Variants in TNIP3 observed in about 807,000 individuals in gnomAD.
TNIP3 encodes the protein TNFAIP3 interacting protein 3.
A neutral mutation model predicts 54.1 loss-of-function variants in TNIP3; 34 were observed. The observed-to-expected ratio is 0.63, with a 90% confidence interval of 0.48 to 0.84. The LOEUF (loss-of-function observed/expected upper bound fraction) is 0.84, where lower values mean the gene tolerates loss of function less well. Ranked by LOEUF, TNIP3 falls within the 40% of genes least tolerant of loss-of-function variation. The pLI, the probability that TNIP3 is intolerant of heterozygous loss-of-function variation, is 0.00. For synonymous variants in TNIP3, 134 were observed against 136.8 expected, an observed-to-expected ratio of 0.98 and a Z score of 0.14; for missense variants, 366 against 387.6, an observed-to-expected ratio of 0.94 and a Z score of 0.47.
chr4:121,182,725 C>G, exon 3 of TNIP3: 1 of 1,534,098 alleles, frequency 6.5e-7, no homozygotes. Flanking sequence ...TGGGGTGAAC[C>G]GTTTTGGATG....
intron 2 of TNIP3, among the ~76,000 whole-genome samples, chr4:121,203,250 T>TAGATAGAC (rs879841568): frequency 4.7e-4 from 71 of 151,868 alleles, no homozygotes; most frequent in Non-Finnish European, 8.2e-4. Context: ...GATAGATAGA[T>TAGATAGAC]AGATAGATAG....
intron 9 of TNIP3, among the ~76,000 whole-genome samples, chr4:121,139,416 G>A (rs755849276): frequency 2.6e-5 from 4 of 152,162 alleles, no homozygotes; most frequent in Non-Finnish European, 4.4e-5. Flanking sequence ...TGTATTTAAC[G>A]CTTAGGAATG....
chr4:121,223,244 C>G (rs998653082), intron 1 of TNIP3, among the ~76,000 whole-genome samples: 2 of 152,192 alleles, frequency 1.3e-5, no homozygotes, highest in African/African-American at 4.8e-5. Flanking sequence ...GATGCTCACC[C>G]GCTTGAAAGG....
intron 2 of TNIP3, among the ~76,000 whole-genome samples, chr4:121,192,205 G>A (rs887996151): frequency 6.6e-6 from 1 of 152,176 alleles, no homozygotes; most frequent in Non-Finnish European, 1.5e-5. Context: ...GACCGCTGAA[G>A]CAGTTTGCCA....
intron 1 of TNIP3, among the ~76,000 whole-genome samples, chr4:121,161,760 C>A (rs1186538089): frequency 6.6e-6 from 1 of 152,128 alleles, no homozygotes; most frequent in Non-Finnish European, 1.5e-5. Flanking sequence ...TTTTAGCCAG[C>A]TCTTTGAATA....
chr4:121,132,687 T>C, intron 10 of TNIP3, 25 bp from the exon 11 acceptor site: 1 of 1,601,214 alleles, frequency 6.2e-7, no homozygotes, highest in South Asian at 1.1e-5. Flanking sequence ...AGGAAAATGT[T>C]TTAGATTAAA....
chr4:121,203,634 T>G (rs1444717179), intron 2 of TNIP3, among the ~76,000 whole-genome samples: 1 of 152,120 alleles, frequency 6.6e-6, no homozygotes. Flanking sequence ...TCAAAACAAC[T>G]TAGGTCATCT....
chr4:121,181,143 T>A (rs138861896), intron 3 of TNIP3, among the ~76,000 whole-genome samples: 58 of 152,224 alleles, frequency 3.8e-4, no homozygotes, highest in Admixed American at 6.5e-4. Context: ...GTTTTTACCA[T>A]GTAAAGGAGG....
chr4:121,188,933 T>C (rs1270437054), intron 2 of TNIP3, among the ~76,000 whole-genome samples: 1 of 152,216 alleles, frequency 6.6e-6, no homozygotes, highest in African/African-American at 2.4e-5. Context: ...TTGACACTAA[T>C]GATGCCTGGT....
intron 3 of TNIP3, among the ~76,000 whole-genome samples, chr4:121,176,809 A>G (rs1236719063): frequency 6.6e-6 from 1 of 152,184 alleles, no homozygotes; most frequent in African/African-American, 2.4e-5. Context: ...TCATAAGTAT[A>G]TATTAATCTC....
At chr4:121,159,377 G>A (rs1266700584) in intron 2 of TNIP3, among the ~76,000 whole-genome samples, 1 of 152,168 alleles carries the variant, frequency 6.6e-6, no homozygotes, top group African/African-American at 2.4e-5. Flanking sequence ...CATTTTCTTT[G>A]TTTAATCCAA....
intron 1 of TNIP3, among the ~76,000 whole-genome samples, chr4:121,227,005 A>G (rs1463685704): frequency 6.6e-6 from 1 of 152,234 alleles, no homozygotes; most frequent in Non-Finnish European, 1.5e-5. Context: ...AATTATTCAT[A>G]TAAGTACTTA....
At chr4:121,163,937 C>G in intron 1 of TNIP3, 123 bp downstream of exon 1, 1 of 1,132,540 alleles carries the variant, frequency 8.8e-7, no homozygotes, top group South Asian at 2.2e-5. Context: ...AAATATAGAG[C>G]AAATCTTAGC....
intron 10 of TNIP3, among the ~76,000 whole-genome samples, chr4:121,136,073 G>A (rs1423801588): frequency 6.6e-6 from 1 of 152,182 alleles, no homozygotes; most frequent in South Asian, 2.1e-4. Flanking sequence ...GTATGGAAAA[G>A]GATAGGTTTC....
At chr4:121,223,224 C>T (rs917032509) in intron 1 of TNIP3, among the ~76,000 whole-genome samples, 2 of 152,240 alleles carry the variant, frequency 1.3e-5, no homozygotes, top group Admixed American at 6.5e-5. Context: ...TGTATCAGTT[C>T]CTCCAGGCAG....
rs192976663 is a variant in TNIP3 at position 121,205,772 on chromosome 4, A to G, written c.68+10643T>C. 1.2e-3 allele frequency among the ~76,000 whole-genome samples: 189 copies of G among 152,284 alleles called. 1 individual carries two copies. Among genetic ancestry groups the G allele is most frequent in the African/African-American group, 4.2e-3 (176 of 41,548 alleles). ...TTCAGATTAAGAAACTGGAAATAAT[A>G]AAGTTGCCCTTTATTGAGACAGTGT... On this transcript the variant is annotated intron_variant, in intron 2 of 12. Transcript: ENST00000507879.
intron 2 of TNIP3, among the ~76,000 whole-genome samples, chr4:121,195,320 T>C (rs1183661965): frequency 2.6e-5 from 4 of 152,234 alleles, no homozygotes; most frequent in African/African-American, 4.8e-5. Context: ...AGGGAATTTT[T>C]AAAATTATTC....
At chr4:121,152,143 G>T (rs1250180840) in intron 5 of TNIP3, among the ~76,000 whole-genome samples, 2 of 152,162 alleles carry the variant, frequency 1.3e-5, no homozygotes, top group Non-Finnish European at 2.9e-5. Context: ...TTTTTTCTGA[G>T]TGAATGGGTC....
intron 2 of TNIP3, among the ~76,000 whole-genome samples, chr4:121,208,326 C>T (rs912731491): frequency 4.6e-5 from 7 of 152,126 alleles, no homozygotes; most frequent in African/African-American, 1.7e-4. Context: ...TATTGTAAAA[C>T]CCAGGAAGAG....
Sources: allele counts gnomAD v4.1 joint callset (sites outside exome capture counted in the v4.1 genomes callset), GRCh38; gene constraint gnomAD v4.1.1; transcripts MANE v1.5; gene names NCBI Gene and HGNC (gene_info 2026-07-23, HGNC 2026-07-21).